Variants in SCEL observed in about 807,000 individuals in gnomAD.
The protein encoded by SCEL is sciellin.
SCEL carries 113 observed loss-of-function variants against 117.6 expected under a neutral mutation model. The ratio of observed to expected loss-of-function variants is 0.96; its 90% CI spans 0.83 to 1.12. The LOEUF is 1.12. SCEL is among the 50% of genes most tolerant of loss of function. The pLI, the probability that SCEL is intolerant of heterozygous loss-of-function variation, is 0.00. For synonymous variants in SCEL, 270 were observed against 256.2 expected (o/e 1.05, Z -0.51); for missense variants, 785 against 810.8 (o/e 0.97, Z 0.39).
chr13:77,603,075 G>A lies in SCEL; in HGVS notation c.1038-1G>A. On this transcript the variant is annotated splice_acceptor_variant, in intron 17 of 32. Coordinates refer to ENST00000349847, the MANE Select transcript of SCEL (RefSeq NM_144777.3). LOFTEE classifies it high-confidence loss of function. ...ACTGATATAAACTTTTTTTTTTAAA[G>A]AAGTGAAGACCTTGATAATGCTACT... 1 of 1,516,700 alleles carries A rather than the reference G, an allele frequency of 6.6e-7. No individual in the cohort carries two copies. The highest frequency in any genetic ancestry group is 8.9e-7 in the Non-Finnish European group (1 of 1,124,356). 94.0% of individuals were successfully genotyped at this position (1,516,700 alleles called of 1,614,324 possible). A position where few individuals can be genotyped will look rare whatever the true frequency, so the allele number is the denominator to read the frequency against.
chr13:77,599,547 A>G (rs1163406100), intron 14 of SCEL, 142 bp from the exon 15 acceptor site: 11 of 865,806 alleles, frequency 1.3e-5, no homozygotes, highest in Middle Eastern at 2.2e-4. Context: ...AGACATAATT[A>G]CCCAGAAGGA....
At chr13:77,625,260 G>C (rs894622420) in intron 27 of SCEL, among the ~76,000 whole-genome samples, 3 of 152,140 alleles carry the variant, frequency 2.0e-5, no homozygotes, top group African/African-American at 7.2e-5. Context: ...AAAACATTAA[G>C]GGGAAGATCT....
intron 9 of SCEL, among the ~76,000 whole-genome samples, chr13:77,579,723 G>A (rs9544542): frequency 0.11 from 17,307 of 152,210 alleles, 1,305 homozygotes; most frequent in South Asian, 0.2. Flanking sequence ...GGAGAGGGAG[G>A]CAGTAGACGT....
At position 77,597,579 on chromosome 13, in the gene SCEL, A is replaced by G; in HGVS notation, c.787A>G (p.Ser263Gly). ...ELDNLIKMNK[S>G]LNRNQGLDSL... ...GGATAATCTCATCAAAATGAACAAAAGCTTGAATAGGTAAGATTTTTAAAT... is the reference window on the plus strand; with the variant it reads ...GGATAATCTCATCAAAATGAACAAAGGCTTGAATAGGTAAGATTTTTAAAT... Residue 263 changes from serine to glycine, a missense_variant, in exon 13 of 33, where the codon AGC becomes GGC. Ser to Gly is a moderately conservative substitution (Grantham distance 56). Coordinates refer to ENST00000349847, the MANE Select transcript of SCEL (RefSeq NM_144777.3). 1 of 1,473,604 alleles carries G rather than the reference A, an allele frequency of 6.8e-7. No homozygotes were observed. The highest frequency in any genetic ancestry group is 9.2e-7 in the Non-Finnish European group (1 of 1,083,026). 91.3% of individuals were successfully genotyped at this position (1,473,604 alleles called of 1,614,324 possible).
intron 23 of SCEL, among the ~76,000 whole-genome samples, chr13:77,613,597 G>T (rs1186869944): frequency 6.6e-6 from 1 of 151,986 alleles, no homozygotes; most frequent in Non-Finnish European, 1.5e-5. Context: ...AGTTGCTGTG[G>T]TTGGAATTTT....
chr13:77,597,432 T>C (rs1328326581), intron 12 of SCEL, 113 bp from the exon 13 acceptor site: 8 of 606,564 alleles, frequency 1.3e-5, no homozygotes, highest in Non-Finnish European at 2.3e-5. Flanking sequence ...TTTTCGCAGA[T>C]GATAAAAGTG....
At position 77,572,157 on chromosome 13, in the gene SCEL, C is replaced by T; in HGVS notation, c.513C>T (p.Tyr171=). ...GGTTTCCACCGCCCCCTCCAGGTTA[C>T]AATGCCTCCTCGAGCACAGGAACCA... ...QSWFPPPPPG[Y]NASSSTGTRR... is the part of the protein sequence containing the mutation. The change falls in exon 9 of 33, where the codon TAC becomes TAT. Residue 171 remains tyrosine (Y), a synonymous_variant. Coordinates refer to ENST00000349847, the MANE Select transcript of SCEL (RefSeq NM_144777.3). 6.2e-7 allele frequency: 1 copy of T among 1,612,696 alleles called. No individual in the cohort carries two copies. The highest frequency in any genetic ancestry group is 8.5e-7 in the Non-Finnish European group (1 of 1,179,204).
At chr13:77,544,672 C>T (rs2083898261) in intron 1 of SCEL, among the ~76,000 whole-genome samples, 1 of 151,868 alleles carries the variant, frequency 6.6e-6, no homozygotes, top group Non-Finnish European at 1.5e-5. Flanking sequence ...CCTAAATGCT[C>T]CCAGAGGAAG....
rs561793441 is a variant in SCEL at position 77,593,475 on chromosome 13, G to A, written c.693-39G>A. On this transcript the variant is annotated intron_variant, in intron 11 of 32. Coordinates refer to ENST00000349847, the MANE Select transcript of SCEL (RefSeq NM_144777.3). ...ATTTTAGCTCCTTCAAAAATAGCTCGACTATCATTGACCTGTATTTATTTT... is the reference window on the plus strand; with the variant it reads ...ATTTTAGCTCCTTCAAAAATAGCTCAACTATCATTGACCTGTATTTATTTT... The A allele has an allele frequency of 1.8e-4, 262 of 1,493,226 alleles. 5 individuals carry two copies. In the South Asian group the frequency reaches 2.6e-3, roughly 15 times the overall value. 92.5% of individuals were successfully genotyped at this position (1,493,226 alleles called of 1,614,324 possible). A position where few individuals can be genotyped will look rare whatever the true frequency, so the allele number is the denominator to read the frequency against.
intron 27 of SCEL, among the ~76,000 whole-genome samples, chr13:77,618,312 C>G (rs549354217): frequency 6.6e-6 from 1 of 152,164 alleles, no homozygotes; most frequent in African/African-American, 2.4e-5. Context: ...TCCTGAGTAA[C>G]TGGGACTACA....
At chr13:77,602,993 A>G (rs2087829071) in intron 17 of SCEL, 83 bp from the exon 18 acceptor site, 1 of 810,346 alleles carries the variant, frequency 1.2e-6, no homozygotes, top group Non-Finnish European at 1.9e-6. Context: ...AAAAGCTTGA[A>G]TTAATCATTG....
In SCEL at chr13:77,568,350, A is replaced by G. The variant is rs775210960; in HGVS notation, c.398+17A>G. On this transcript the variant is annotated intron_variant, in intron 7 of 32. Coordinates refer to ENST00000349847, the MANE Select transcript of SCEL (RefSeq NM_144777.3). ...AACAAAGTTGTATGTATTCTTTCTA[A>G]TTGTAGTATATTTCTTTTTATGTAT... 3 of 1,455,380 alleles carry G rather than the reference A, an allele frequency of 2.1e-6. No individual in the cohort carries two copies. The highest frequency in any genetic ancestry group is 2.9e-6 in the Non-Finnish European group (3 of 1,047,056). The allele number at this position is 1,455,380 out of a possible 1,614,324, so 90.2% of individuals were successfully genotyped here.
Position 77,617,605 on chromosome 13 carries a change from A to C in SCEL, c.1458A>C (p.Gln486His), listed in dbSNP as rs1402521922. Residue 486 changes from glutamine (Q) to histidine (H), a missense_variant, in exon 25 of 33, where the codon CAA becomes CAC. Gln to His is a conservative substitution (Grantham distance 24). Transcript: ENST00000349847. ...ATATTTTTTCCACTTAAAGAAAACA[A>C]GATCTTGATAAACTCATCAAGGTGA... ...PKAVKNTDGK[Q>H]DLDKLIKVNP... The C allele has an allele frequency of 6.3e-7, 1 of 1,585,404 alleles. No homozygotes were observed. The highest frequency in any genetic ancestry group is 1.1e-5 in the South Asian group (1 of 87,116).
intron 1 of SCEL, among the ~76,000 whole-genome samples, chr13:77,544,372 G>A (rs7988102): frequency 0.011 from 1,652 of 152,250 alleles, 33 homozygotes; most frequent in African/African-American, 0.036. Flanking sequence ...AGCAGGGAGT[G>A]GTAAAGACTT....
At chr13:77,610,638 T>C (rs1400588824) in intron 22 of SCEL, among the ~76,000 whole-genome samples, 1 of 152,150 alleles carries the variant, frequency 6.6e-6, no homozygotes, top group East Asian at 1.9e-4. Flanking sequence ...TTGTGTTCCA[T>C]GCTGAGGATT....
chr13:77,622,027 T>C (rs1171691428), intron 27 of SCEL, among the ~76,000 whole-genome samples: 1 of 151,904 alleles, frequency 6.6e-6, no homozygotes, highest in East Asian at 1.9e-4. Flanking sequence ...CTCTAAAGAG[T>C]TGGGCCCATT....
intron 5 of SCEL, among the ~76,000 whole-genome samples, chr13:77,565,896 G>A (rs1308932421): frequency 2.6e-5 from 4 of 152,150 alleles, no homozygotes; most frequent in South Asian, 2.1e-4. Flanking sequence ...CTTCTCCTTC[G>A]GCTTTTCTGA....
intron 5 of SCEL, among the ~76,000 whole-genome samples, chr13:77,565,416 TC>T (rs2085234561): frequency 1.3e-5 from 2 of 152,184 alleles, no homozygotes; most frequent in South Asian, 4.1e-4. Flanking sequence ...TTTTATACCC[TC>T]AAAAGCAGGC....
At position 77,610,116 on chromosome 13, in the gene SCEL, A is replaced by G. The variant is rs773610209; in HGVS notation, c.1337+10A>G. ...ACAGAACTAACCAAGGGTAAGGTTT[A>G]TGGAACTCTCTATTTCTCCCCCCTT... On this transcript the variant is annotated intron_variant, in intron 22 of 32. Coordinates refer to ENST00000349847, the MANE Select transcript of SCEL (RefSeq NM_144777.3). 4.4e-6 allele frequency: 7 copies of G among 1,590,380 alleles called. No homozygotes were observed. The highest frequency in any genetic ancestry group is 1.7e-5 in the Admixed American group (1 of 57,620).
Sources: gnomAD v4.1 joint callset for allele counts (sites outside exome capture counted in the v4.1 genomes callset) on GRCh38, gnomAD v4.1.1 for gene constraint, MANE v1.5 for transcripts, NCBI Gene and HGNC (gene_info 2026-07-23, HGNC 2026-07-21) for gene names.